Variants in SHISA9 observed in about 807,000 individuals in gnomAD.
SHISA9 encodes the protein protein shisa-9.
SHISA9 carries 13 observed loss-of-function variants against 38.0 expected under a neutral mutation model. The ratio of observed to expected loss-of-function variants is 0.34; its 90% CI spans 0.22 to 0.54. The LOEUF is 0.54. Among genes scored for constraint, SHISA9 ranks in the 20% least tolerant of loss-of-function variants. The pLI is 0.91. For missense variants in SHISA9, 538 were observed against 575.8 expected (o/e 0.93, Z 0.67); for synonymous variants, 275 against 242.0 (o/e 1.14, Z -1.27).
At chr16:12,998,637 C>T (rs190486467) in intron 2 of SHISA9, among the ~76,000 whole-genome samples, 9 of 152,280 alleles carry the variant, frequency 5.9e-5, no homozygotes, top group Non-Finnish European at 8.8e-5. Flanking sequence ...TCAAGCGATC[C>T]TCCCACCTCG....
chr16:13,031,277 G>T (rs1377606454), intron 2 of SHISA9, among the ~76,000 whole-genome samples: 3 of 152,164 alleles, frequency 2.0e-5, no homozygotes, highest in Admixed American at 6.6e-5. Flanking sequence ...CACTGGAATA[G>T]GTTGGATGAA....
intron 2 of SHISA9, among the ~76,000 whole-genome samples, chr16:12,959,575 A>G (rs953902861): frequency 2.7e-5 from 4 of 150,430 alleles, no homozygotes; most frequent in Non-Finnish European, 5.9e-5. Context: ...GACTTGAGAC[A>G]CGGGCTTCCC....
At chr16:13,177,538 AT>A (rs111941664) in intron 2 of SHISA9, among the ~76,000 whole-genome samples, 56 of 151,680 alleles carry the variant, frequency 3.7e-4, no homozygotes, top group African/African-American at 1.2e-3. Context: ...CTTTTATTTT[AT>A]TTTTTTTAAA....
chr16:13,337,428 C>T, the SHISA9 span, among the ~76,000 whole-genome samples: 6 of 152,144 alleles, frequency 3.9e-5, no homozygotes, highest in Admixed American at 2.6e-4. Context: ...GCCTCCCCAG[C>T]CACGTGGAAC....
chr16:13,104,789 T>A (rs62028919), intron 2 of SHISA9, among the ~76,000 whole-genome samples: 9 of 152,190 alleles, frequency 5.9e-5, no homozygotes, highest in Non-Finnish European at 1.2e-4. Context: ...ATTCTATACA[T>A]TTACTAAAAA....
At chr16:13,227,367 T>TA (rs2142081194) in intron 4 of SHISA9, among the ~76,000 whole-genome samples, 1 of 152,296 alleles carries the variant, frequency 6.6e-6, no homozygotes, top group South Asian at 2.1e-4. Context: ...ATTTGTTAGA[T>TA]ATAGCTGGAA....
chr16:12,910,749 G>A (rs1241537703), intron 1 of SHISA9: 12 of 981,580 alleles, frequency 1.2e-5, no homozygotes, highest in Non-Finnish European at 1.5e-5. Flanking sequence ...GGGTTCTCTA[G>A]AGAAACAGAA....
At chr16:13,518,217 G>A in the SHISA9 span, among the ~76,000 whole-genome samples, 18 of 151,756 alleles carry the variant, frequency 1.2e-4, no homozygotes, top group Non-Finnish European at 2.5e-4. Flanking sequence ...AACACCTAAG[G>A]CAAACTTCCT....
At chr16:13,559,582 T>C in the SHISA9 span, among the ~76,000 whole-genome samples, 1 of 152,032 alleles carries the variant, frequency 6.6e-6, no homozygotes, top group East Asian at 1.9e-4. Context: ...AGGGTCTCTC[T>C]GTGTTTCCCA....
chr16:13,447,419 CTGGTCACATGT>C, the SHISA9 span, among the ~76,000 whole-genome samples: 1 of 152,290 alleles, frequency 6.6e-6, no homozygotes, highest in African/African-American at 2.4e-5. Context: ...GGTGGAAAGG[CTGGTCACATGT>C]TGGCCCATCT....
the SHISA9 span, among the ~76,000 whole-genome samples, chr16:13,386,998 T>A: frequency 1.3e-5 from 2 of 152,334 alleles, no homozygotes; most frequent in East Asian, 3.9e-4. Flanking sequence ...TCAGATGATA[T>A]GTTGAGAGTC....
At chr16:13,155,633 T>G (rs1167884772) in intron 2 of SHISA9, among the ~76,000 whole-genome samples, 2 of 152,158 alleles carry the variant, frequency 1.3e-5, no homozygotes, top group Non-Finnish European at 2.9e-5. Flanking sequence ...TATGCACATA[T>G]GGTGGGGGTA....
chr16:12,983,227 G>A (rs1264043050), intron 2 of SHISA9, among the ~76,000 whole-genome samples: 3 of 152,164 alleles, frequency 2.0e-5, no homozygotes, highest in African/African-American at 7.2e-5. Flanking sequence ...AGCTTATGTG[G>A]CTTGTGGCAG....
chr16:13,176,140 T>C (rs1465325271), intron 2 of SHISA9, among the ~76,000 whole-genome samples: 4 of 152,204 alleles, frequency 2.6e-5, no homozygotes, highest in Non-Finnish European at 4.4e-5. Flanking sequence ...TAAAAACCTC[T>C]ATTAGTTGAT....
At chr16:13,278,804 C>T in the SHISA9 span, among the ~76,000 whole-genome samples, 2 of 151,892 alleles carry the variant, frequency 1.3e-5, no homozygotes, top group Non-Finnish European at 2.9e-5. Context: ...GATTTTTTCT[C>T]TTCTTTTCTT....
At chr16:13,466,236 T>C in the SHISA9 span, among the ~76,000 whole-genome samples, 2 of 152,218 alleles carry the variant, frequency 1.3e-5, no homozygotes, top group Non-Finnish European at 2.9e-5. Flanking sequence ...ACTTGGGGCT[T>C]CTATGCTTCT....
At chr16:13,477,898 G>T in the SHISA9 span, among the ~76,000 whole-genome samples, 1 of 152,198 alleles carries the variant, frequency 6.6e-6, no homozygotes, top group Admixed American at 6.5e-5. Flanking sequence ...CCGGGAGGTG[G>T]AGGTTGCAGT....
intron 2 of SHISA9, among the ~76,000 whole-genome samples, chr16:12,970,402 TAC>T (rs1245982561): frequency 0.015 from 111 of 7,286 alleles, 2 homozygotes; most frequent in Admixed American, 0.019. Flanking sequence ...TATATATATA[TAC>T]ATATATATAT....
At chr16:12,950,082 C>CT (rs1324894274) in intron 2 of SHISA9, among the ~76,000 whole-genome samples, 1 of 152,156 alleles carries the variant, frequency 6.6e-6, no homozygotes, top group African/African-American at 2.4e-5. Context: ...TTGAGATAAA[C>CT]TTTTTTCGTT....
Sources: allele counts gnomAD v4.1 joint callset (sites outside exome capture counted in the v4.1 genomes callset), GRCh38; gene constraint gnomAD v4.1.1; transcripts MANE v1.5; gene names NCBI Gene and HGNC (gene_info 2026-07-23, HGNC 2026-07-21).